Variants in PCDH15 observed in about 807,000 individuals in gnomAD.
PCDH15 encodes the protein protocadherin-15.
A neutral mutation model predicts 178.5 loss-of-function variants in PCDH15; 129 were observed. The ratio of observed to expected loss-of-function variants is 0.72; its 90% confidence interval spans 0.63 to 0.84. The LOEUF (loss-of-function observed/expected upper bound fraction) is 0.84. PCDH15 is among the 40% of genes least tolerant of loss of function. The pLI is 0.00. For synonymous variants in PCDH15, 800 were observed against 732.0 expected, an observed-to-expected ratio of 1.09 and a Z score of -1.50; for missense variants, 2,230 against 2,099.9, an observed-to-expected ratio of 1.06 and a Z score of -1.21.
intron 1 of PCDH15, among the ~76,000 whole-genome samples, chr10:54,779,436 GTATATATA>G (rs780742891): frequency 1.2e-5 from 1 of 82,282 alleles, no homozygotes; most frequent in African/African-American, 4.8e-5. Context: ...ACACATATGT[GTATATATA>G]TATACACTCA....
chr10:55,049,426 G>GA (rs200648727), intron 2 of PCDH15, among the ~76,000 whole-genome samples: 5 of 149,388 alleles, frequency 3.3e-5, no homozygotes, highest in South Asian at 2.1e-4. Context: ...CTCTTTTTCA[G>GA]AAAAAAAAGG....
At chr10:53,936,856 CTAAT>C (rs2085621178) in intron 25 of PCDH15, among the ~76,000 whole-genome samples, 2 of 152,186 alleles carry the variant, frequency 1.3e-5, no homozygotes, top group South Asian at 4.1e-4. Context: ...ATTTAGCTAA[CTAAT>C]TAACCTCAAT....
At chr10:54,281,660 T>G (rs1394250821) in intron 8 of PCDH15, among the ~76,000 whole-genome samples, 2 of 151,972 alleles carry the variant, frequency 1.3e-5, no homozygotes, top group Non-Finnish European at 2.9e-5. Flanking sequence ...AATTTATAAT[T>G]TATTTAGTGC....
rs551469465 is a variant in PCDH15 at position 55,070,982 on chromosome 10, A to T, written c.-80+95594T>A. On this transcript the variant is annotated intron_variant, in intron 2 of 5. Transcript: ENST00000458638. ...CAGTGGTTTGTAGTTCTCCTTGAAG[A>T]GTATCCAGCCAAACTAAGCTTCATA... 1.7e-4 allele frequency among the ~76,000 whole-genome samples: 26 copies of T among 152,054 alleles called. 1 individual carries two copies. The East Asian group carries it at 4.3e-3, about 25-fold the overall frequency.
chr10:53,929,215 T>C (rs1270409079), intron 25 of PCDH15, among the ~76,000 whole-genome samples: 1 of 152,138 alleles, frequency 6.6e-6, no homozygotes, highest in Non-Finnish European at 1.5e-5. Context: ...ATACCATGTT[T>C]CAAATCACAT....
intron 2 of PCDH15, among the ~76,000 whole-genome samples, chr10:55,547,239 G>C (rs911677661): frequency 2.0e-5 from 3 of 152,108 alleles, no homozygotes; most frequent in Non-Finnish European, 4.4e-5. Context: ...TCCCCTCCAT[G>C]GTTATTACAG....
At chr10:54,813,042 T>C (rs186670544) in intron 3 of PCDH15, among the ~76,000 whole-genome samples, 1 of 152,334 alleles carries the variant, frequency 6.6e-6, no homozygotes, top group African/African-American at 2.4e-5. Flanking sequence ...TTTGGCTTTT[T>C]AAAACTTTTC....
chr10:53,828,509 G>A (rs2076836045), intron 31 of PCDH15, 56 bp downstream of exon 31: 2 of 1,399,164 alleles, frequency 1.4e-6, no homozygotes, highest in Admixed American at 1.7e-5. Context: ...ATATAATCTC[G>A]GGTTTCTCTT....
intron 2 of PCDH15, among the ~76,000 whole-genome samples, chr10:54,939,613 C>T (rs966285663): frequency 4.0e-5 from 6 of 148,722 alleles, no homozygotes. Flanking sequence ...AAAGTCCCTT[C>T]TTTTATTATT....
intron 5 of PCDH15, among the ~76,000 whole-genome samples, chr10:54,349,055 G>A (rs1294002891): frequency 6.6e-6 from 1 of 151,882 alleles, no homozygotes; most frequent in African/African-American, 2.4e-5. Context: ...TAAAAATTTT[G>A]TTGCCAAAAA....
At chr10:55,294,765 A>T (rs1305323910) in intron 1 of PCDH15, among the ~76,000 whole-genome samples, 1 of 152,198 alleles carries the variant, frequency 6.6e-6, no homozygotes, top group Non-Finnish European at 1.5e-5. Flanking sequence ...TCACTCTCAC[A>T]TATAATGTAC....
intron 5 of PCDH15, among the ~76,000 whole-genome samples, chr10:54,350,119 G>A (rs768009522): frequency 1.3e-5 from 2 of 151,922 alleles, no homozygotes; most frequent in East Asian, 3.9e-4. Flanking sequence ...TAATTTTAAG[G>A]TCTTTTTTAG....
In PCDH15 at chr10:55,253,566, T is replaced by C. The variant is rs575354033; in HGVS notation, c.-156+66033A>G. Among the ~76,000 whole-genome samples, 18 of 152,290 alleles carry C rather than the reference T, an allele frequency of 1.2e-4. No individual in the cohort carries two copies. The East Asian group carries it at 3.5e-3, about 29-fold the overall frequency. On this transcript the variant is annotated intron_variant, in intron 1 of 5. Transcript: ENST00000458638. ...GTAACTTTACTAATACAGAATGGGA[T>C]AGCAATGTGCCATTGTGCATTTTAA...
At chr10:54,482,435 C>T (rs1050779768) in intron 3 of PCDH15, among the ~76,000 whole-genome samples, 1 of 151,770 alleles carries the variant, frequency 6.6e-6, no homozygotes, top group Non-Finnish European at 1.5e-5. Context: ...CCCAGAAAAT[C>T]AGCATAATTT....
intron 3 of PCDH15, among the ~76,000 whole-genome samples, chr10:54,862,569 T>A (rs1488402065): frequency 6.6e-6 from 1 of 152,088 alleles, no homozygotes; most frequent in Non-Finnish European, 1.5e-5. Flanking sequence ...GGAGGTAGGG[T>A]CTAGTGGGAG....
intron 13 of PCDH15, among the ~76,000 whole-genome samples, chr10:54,167,680 C>T (rs1176888548): frequency 6.6e-6 from 1 of 151,908 alleles, no homozygotes; most frequent in African/African-American, 2.4e-5. Context: ...CCTCCTCTTT[C>T]ACCCTTAGCA....
chr10:54,428,285 T>G (rs2135958504), intron 3 of PCDH15, among the ~76,000 whole-genome samples: 1 of 152,336 alleles, frequency 6.6e-6, no homozygotes, highest in East Asian at 1.9e-4. Context: ...GCAACTGCTT[T>G]GCCTCAATTT....
intron 8 of PCDH15, among the ~76,000 whole-genome samples, chr10:54,262,655 C>A (rs1033845959): frequency 1.3e-5 from 2 of 152,138 alleles, no homozygotes; most frequent in Non-Finnish European, 2.9e-5. Context: ...GACCTAATCT[C>A]AAGTGAAGGA....
chr10:54,646,708 A>C (rs548081696), intron 2 of PCDH15, among the ~76,000 whole-genome samples: 254 of 152,146 alleles, frequency 1.7e-3, no homozygotes, highest in African/African-American at 6.0e-3. Context: ...TGTTTTCATT[A>C]ATTTCTTTCA....
Sources: allele counts gnomAD v4.1 joint callset (sites outside exome capture counted in the v4.1 genomes callset), GRCh38; gene constraint gnomAD v4.1.1; transcripts MANE v1.5; gene names NCBI Gene and HGNC (gene_info 2026-07-23, HGNC 2026-07-21).